Variants in TMEM131 observed in about 807,000 individuals in gnomAD.
TMEM131 encodes the protein 2610524E03Rik.
In TMEM131, 66 loss-of-function variants were observed where a neutral mutation model predicts 211.6. The observed-to-expected ratio is 0.31, with a 90% CI of 0.26 to 0.38. The LOEUF (loss-of-function observed/expected upper bound fraction) is 0.38. Among genes scored for constraint, TMEM131 ranks in the 10% least tolerant of loss-of-function variants. The pLI, the probability that TMEM131 is intolerant of heterozygous loss-of-function variation, is 1.00. For synonymous variants in TMEM131, 844 were observed against 841.3 expected, an observed-to-expected ratio of 1.00 and a Z score of -0.06; for missense variants, 2,036 against 2,299.3, an observed-to-expected ratio of 0.89 and a Z score of 2.34.
intron 1 of TMEM131, among the ~76,000 whole-genome samples, chr2:97,988,367 G>A (rs1356131877): frequency 6.6e-6 from 1 of 152,198 alleles, no homozygotes; most frequent in Non-Finnish European, 1.5e-5. Context: ...CTAGGAGAAA[G>A]CATAGGGAAA....
At chr2:97,808,810 A>G (rs1265349648) in intron 19 of TMEM131, among the ~76,000 whole-genome samples, 1 of 152,242 alleles carries the variant, frequency 6.6e-6, no homozygotes, top group East Asian at 1.9e-4. Context: ...TGAAACAACC[A>G]GTATTGTCTA....
At chr2:97,838,626 G>A (rs577875293) in intron 7 of TMEM131, among the ~76,000 whole-genome samples, 32 of 151,798 alleles carry the variant, frequency 2.1e-4, no homozygotes, top group African/African-American at 6.5e-4. Flanking sequence ...TGTATTTTTC[G>A]CAGAGATGGG....
At chr2:97,824,780 A>C (rs1022819767) in intron 11 of TMEM131, among the ~76,000 whole-genome samples, 1 of 152,202 alleles carries the variant, frequency 6.6e-6, no homozygotes, top group Non-Finnish European at 1.5e-5. Flanking sequence ...GAAGCTCATA[A>C]AGGATTACAG....
chr2:97,893,534 C>T (rs1366811288), intron 3 of TMEM131, among the ~76,000 whole-genome samples: 1 of 152,154 alleles, frequency 6.6e-6, no homozygotes, highest in Admixed American at 6.5e-5. Flanking sequence ...CCTATTTCTC[C>T]ACATCCTCTC....
intron 31 of TMEM131, among the ~76,000 whole-genome samples, chr2:97,782,023 C>T (rs1416022986): frequency 2.6e-5 from 4 of 152,180 alleles, no homozygotes; most frequent in South Asian, 2.1e-4. Context: ...AGCATGCTGG[C>T]GATGGTGCTA....
rs1235498096 is a variant in TMEM131, at chr2:97,812,596, A to G, written c.1729-41T>C. On this transcript the variant is annotated intron_variant, in intron 16 of 40. Coordinates refer to ENST00000186436, the MANE Select transcript of TMEM131 (RefSeq NM_015348.2). Reference sequence around the variant, plus strand: ...TGAAAATGATTATCACAACACAAGCATAAAATCCTTAAATGTGATTTAGAA... The same window carrying G: ...TGAAAATGATTATCACAACACAAGCGTAAAATCCTTAAATGTGATTTAGAA... The G allele has an allele frequency of 1.9e-6, 3 of 1,588,632 alleles. No individual in the cohort carries two copies. In the African/African-American group the frequency reaches 4.1e-5, roughly 22 times the overall value.
Position 97,792,706 on chromosome 2 carries a change from G to A in TMEM131, c.3824C>T (p.Thr1275Ile), listed in dbSNP as rs1680561126. Residue 1275 changes from threonine to isoleucine, a missense_variant, in exon 31 of 41, where the codon ACA (threonine) becomes ATA (isoleucine). By Grantham distance (89) the Thr-to-Ile change is moderately conservative (BLOSUM62 -1). Around this residue, in one of 3 missense-constraint regions of TMEM131, gnomAD observed 1,623 missense variants for 1,805.9 expected, o/e 0.90. Transcript: ENST00000186436. ...TGCCCCTTTGGACTTTCTGCCCGCT[G>A]TATGACCTTGAGTCACTGTGTTCGA... ...LDSNTVTQGH[T>I]AGRKSKGAKQ... is the part of the protein sequence containing the mutation. 1 of 1,614,048 alleles carries A rather than the reference G, an allele frequency of 6.2e-7. No homozygotes were observed. The highest frequency in any genetic ancestry group is 8.5e-7 in the Non-Finnish European group (1 of 1,179,896).
At chr2:97,993,208 A>G (rs1042649918) in intron 1 of TMEM131, among the ~76,000 whole-genome samples, 29 of 152,256 alleles carry the variant, frequency 1.9e-4, no homozygotes, top group Non-Finnish European at 3.4e-4. Context: ...TTAAAACTGC[A>G]GGTAAATCTT....
chr2:97,919,964 A>G (rs575783688), intron 2 of TMEM131, among the ~76,000 whole-genome samples: 13 of 152,342 alleles, frequency 8.5e-5, no homozygotes, highest in African/African-American at 3.1e-4. Flanking sequence ...GTTGGCTACC[A>G]GCCTCCACCT....
chr2:97,816,682 T>G (rs959472660), intron 12 of TMEM131, among the ~76,000 whole-genome samples: 1 of 152,168 alleles, frequency 6.6e-6, no homozygotes, highest in African/African-American at 2.4e-5. Flanking sequence ...ATGCTTTCAA[T>G]TTTTCACTAT....
At position 97,924,387 on chromosome 2, in the gene TMEM131, A is replaced by G. The variant is rs1573564211; in HGVS notation, c.249+3039T>C. Reference sequence around the variant, plus strand: ...AATAGAGTGAGACCCTGTCTCTATGAACTGTGTGGTCAGTCAGCTGTGGAG... The same window carrying G: ...AATAGAGTGAGACCCTGTCTCTATGGACTGTGTGGTCAGTCAGCTGTGGAG... On this transcript the variant is annotated intron_variant, in intron 2 of 40. Coordinates refer to ENST00000186436, the MANE Select transcript of TMEM131 (RefSeq NM_015348.2). Among the ~76,000 whole-genome samples, 8 of 152,234 alleles carry G rather than the reference A, an allele frequency of 5.3e-5. 1 individual carries two copies. In the South Asian group the frequency reaches 1.7e-3, roughly 32 times the overall value.
At chr2:97,865,265 T>C (rs767682229) in intron 4 of TMEM131, among the ~76,000 whole-genome samples, 13 of 152,196 alleles carry the variant, frequency 8.5e-5, no homozygotes, top group Non-Finnish European at 1.3e-4. Context: ...ACACACACAA[T>C]GTTGTGATAG....
intron 6 of TMEM131, 77 bp downstream of exon 6, chr2:97,844,068 T>C (rs1683318079): frequency 4.8e-6 from 2 of 414,854 alleles, no homozygotes; most frequent in African/African-American, 2.1e-5. Flanking sequence ...AGTTCCTGAG[T>C]TCTTAAAAGG....
chr2:97,930,990 T>A (rs1350216072), intron 1 of TMEM131, among the ~76,000 whole-genome samples: 2 of 151,914 alleles, frequency 1.3e-5, no homozygotes, highest in East Asian at 3.8e-4. Flanking sequence ...GAGATATACT[T>A]AGCAAGAAAG....
intron 5 of TMEM131, among the ~76,000 whole-genome samples, chr2:97,853,259 T>C (rs1171892957): frequency 3.3e-5 from 5 of 152,072 alleles, no homozygotes; most frequent in African/African-American, 9.7e-5. Flanking sequence ...GCAAAGTCCA[T>C]TGAAAACCTC....
chr2:97,817,807 C>T lies in TMEM131; in HGVS notation c.1183+806G>A, dbSNP rs183104505. ...CATTCATTGATCAAATATTCTCATC[C>T]GATGAGGAGCTGAGCTTTACTATGT... On this transcript the variant is annotated intron_variant, in intron 12 of 40. Coordinates refer to ENST00000186436, the MANE Select transcript of TMEM131 (RefSeq NM_015348.2). Among the ~76,000 whole-genome samples the T allele has an allele frequency of 2.6e-3, 389 of 152,218 alleles. 1 individual carries two copies. Among genetic ancestry groups the T allele is most frequent in the Non-Finnish European group, 4.4e-3 (297 of 68,022 alleles).
chr2:97,842,949 A>G (rs745347925), intron 6 of TMEM131, among the ~76,000 whole-genome samples: 1 of 152,098 alleles, frequency 6.6e-6, no homozygotes, highest in Non-Finnish European at 1.5e-5. Flanking sequence ...ACCGCTAAAG[A>G]TTTACTCACC....
rs538673952 is a variant in TMEM131, at chr2:97,824,945, T to C, written c.1075-6224A>G. ...CATCAGTGAGGCAGTAATTCCTCTA[T>C]ATCCAGTTGTACCCAACCCCTATAC... is the stretch of plus-strand genomic sequence containing the variant. On this transcript the variant is annotated intron_variant, in intron 11 of 40. Coordinates refer to ENST00000186436, the MANE Select transcript of TMEM131 (RefSeq NM_015348.2). 4.6e-5 allele frequency among the ~76,000 whole-genome samples: 7 copies of C among 152,340 alleles called. No individual in the cohort carries two copies. In the East Asian group the frequency reaches 1.4e-3, roughly 29 times the overall value.
intron 1 of TMEM131, among the ~76,000 whole-genome samples, chr2:97,934,202 C>T (rs1288133557): frequency 6.6e-6 from 1 of 152,052 alleles, no homozygotes; most frequent in Non-Finnish European, 1.5e-5. Context: ...TCCTAAAATC[C>T]AGTACATTTC....
Sources: gnomAD v4.1 joint callset for allele counts (sites outside exome capture counted in the v4.1 genomes callset) on GRCh38, gnomAD v4.1.1 for gene constraint, gnomAD v4.1.1 regional missense constraint, MANE v1.5 for transcripts, NCBI Gene and HGNC (gene_info 2026-07-23, HGNC 2026-07-21) for gene names.